AGBL1: variants seen among roughly 807,000 people sequenced by gnomAD.
AGBL1 encodes AGBL carboxypeptidase 1, also known as cytosolic carboxypeptidase 4.
In AGBL1, 130 loss-of-function variants were observed where a neutral mutation model predicts 118.9. The observed-to-expected ratio is 1.09, with a 90% CI of 0.95 to 1.26. The LOEUF (loss-of-function observed/expected upper bound fraction) is 1.26, where lower values mean the gene tolerates loss of function less well. Ranked by LOEUF, AGBL1 falls within the 50% of genes most tolerant of loss-of-function variation. The probability of loss-of-function intolerance (pLI) is 0.00; values close to 1 mark genes in which losing one functional copy is unlikely to be tolerated. For synonymous variants in AGBL1, 555 were observed against 478.9 expected, an observed-to-expected ratio of 1.16 and a Z score of -2.08; for missense variants, 1,584 against 1,298.1, an observed-to-expected ratio of 1.22 and a Z score of -3.38.
chr15:86,654,344 T>C (rs982932927), intron 21 of AGBL1, among the ~76,000 whole-genome samples: 1 of 152,150 alleles, frequency 6.6e-6, no homozygotes, highest in Admixed American at 6.6e-5. Context: ...TTATTTTGAG[T>C]GTAGAAGCTT....
chr15:86,780,438 T>A lies in AGBL1; in HGVS notation c.3158+106002T>A, dbSNP rs1036922196. 3.3e-5 allele frequency among the ~76,000 whole-genome samples: 5 copies of A among 152,312 alleles called. No homozygotes were observed. The South Asian group carries it at 6.2e-4, about 19-fold the overall frequency. On this transcript the variant is annotated intron_variant, in intron 22 of 22. Coordinates refer to ENST00000614907, the MANE Select transcript of AGBL1 (RefSeq NM_001386094.1). ...ATGTTTATTGTTCTTTGATATTACTTTGCCTTTTCTTGGCCATTTGCATTT... is the reference window on the plus strand; with the variant it reads ...ATGTTTATTGTTCTTTGATATTACTATGCCTTTTCTTGGCCATTTGCATTT...
At chr15:86,789,253 A>G (rs1370066967) in intron 22 of AGBL1, among the ~76,000 whole-genome samples, 2 of 152,244 alleles carry the variant, frequency 1.3e-5, no homozygotes, top group African/African-American at 4.8e-5. Context: ...TTGTTAGGCA[A>G]GGAATATCAC....
intron 22 of AGBL1, among the ~76,000 whole-genome samples, chr15:86,778,648 G>T (rs1250556921): frequency 6.6e-6 from 1 of 152,090 alleles, no homozygotes; most frequent in Non-Finnish European, 1.5e-5. Context: ...TATCTCTCTT[G>T]CTCCCTGAAC....
intron 1 of AGBL1, among the ~76,000 whole-genome samples, chr15:86,125,725 T>C (rs1160090302): frequency 6.6e-6 from 1 of 152,242 alleles, no homozygotes; most frequent in Non-Finnish European, 1.5e-5. Flanking sequence ...GTCCCAGCCA[T>C]GTGTCCCAGA....
intron 22 of AGBL1, among the ~76,000 whole-genome samples, chr15:86,783,845 G>T (rs1273241250): frequency 1.6e-5 from 2 of 127,960 alleles, no homozygotes; most frequent in Admixed American, 1.5e-4. Context: ...CAGCCAGGCT[G>T]GTCTCGAATT....
intron 23 of AGBL1, among the ~76,000 whole-genome samples, chr15:86,925,143 AGAGGAGGAGGAGGAGGAGGAGGAG>A (rs1176964792): frequency 1.5e-4 from 12 of 80,582 alleles, no homozygotes; most frequent in African/African-American, 3.8e-4. Context: ...AGGAAGAGGA[AGAGGAGGAGGAGGAGGAGGAGGAG>A]GAAGAGGAAG....
intron 21 of AGBL1, among the ~76,000 whole-genome samples, chr15:86,592,368 A>T (rs1596296482): frequency 6.6e-6 from 1 of 152,224 alleles, no homozygotes; most frequent in East Asian, 1.9e-4. Flanking sequence ...AGCAGGAGTG[A>T]AAGTTTATTT....
At chr15:86,903,271 T>A (rs184565269) in intron 22 of AGBL1, among the ~76,000 whole-genome samples, 1 of 152,224 alleles carries the variant, frequency 6.6e-6, no homozygotes, top group East Asian at 1.9e-4. Flanking sequence ...ATAGCTTCCA[T>A]TTCTTTGCTG....
rs1182645305 is a variant in AGBL1 at position 86,974,643 on chromosome 15, C to T, written c.3222-13344C>T. ...TATATTTATATATTTAACTTTTCTG[C>T]AAAAAAAGATGAGAAGAAAGATCAA... is the stretch of plus-strand genomic sequence containing the variant. On this transcript the variant is annotated intron_variant, in intron 23 of 24. Coordinates refer to the AGBL1 transcript ENST00000441037. 2.1e-5 allele frequency among the ~76,000 whole-genome samples: 3 copies of T among 140,946 alleles called. No individual in the cohort carries two copies. In the Admixed American group the frequency reaches 2.2e-4, roughly 10 times the overall value. 92.5% of individuals were successfully genotyped at this position (140,946 alleles called of 152,430 possible).
At chr15:86,939,229 A>T (rs1016676050) in intron 23 of AGBL1, 2 of 152,424 alleles carry the variant, frequency 1.3e-5, no homozygotes, top group African/African-American at 4.8e-5. Flanking sequence ...CCCACTCTCA[A>T]TCTGGATGGG....
chr15:86,681,714 G>C (rs753209812), intron 22 of AGBL1, among the ~76,000 whole-genome samples: 3 of 152,188 alleles, frequency 2.0e-5, no homozygotes, highest in African/African-American at 4.8e-5. Flanking sequence ...GCTGGATGTA[G>C]AGAGGTCCTC....
At chr15:86,151,330 A>C (rs888411951) in intron 3 of AGBL1, among the ~76,000 whole-genome samples, 1 of 151,194 alleles carries the variant, frequency 6.6e-6, no homozygotes, top group African/African-American at 2.4e-5. Flanking sequence ...CTTATCCACC[A>C]CAATCAAGTC....
intron 23 of AGBL1, among the ~76,000 whole-genome samples, chr15:86,935,475 C>G (rs1475831287): frequency 6.6e-6 from 1 of 152,186 alleles, no homozygotes; most frequent in Non-Finnish European, 1.5e-5. Flanking sequence ...TGACATTTCC[C>G]CATGCCACCA....
intron 17 of AGBL1, among the ~76,000 whole-genome samples, chr15:86,394,521 G>T (rs1222389644): frequency 6.6e-6 from 1 of 152,052 alleles, no homozygotes; most frequent in Admixed American, 6.6e-5. Flanking sequence ...GTTTAACAGG[G>T]TGTAGCAAAA....
chr15:86,988,097 G>C, intron 24 of AGBL1: 1 of 1,612,960 alleles, frequency 6.2e-7, no homozygotes, highest in Non-Finnish European at 8.5e-7. Flanking sequence ...CCGTGAGTAT[G>C]TCAGTTTCCT....
chr15:86,840,011 G>A (rs538383449), intron 22 of AGBL1, among the ~76,000 whole-genome samples: 1 of 152,302 alleles, frequency 6.6e-6, no homozygotes, highest in South Asian at 2.1e-4. Flanking sequence ...TAGTATCTCA[G>A]TAAATAATTT....
chr15:86,239,470 C>G (rs919413525), intron 6 of AGBL1, among the ~76,000 whole-genome samples: 4 of 152,156 alleles, frequency 2.6e-5, no homozygotes, highest in African/African-American at 9.7e-5. Flanking sequence ...ACCAGCCACT[C>G]CTGCAGCTGC....
chr15:86,625,609 C>A (rs2084875550), intron 21 of AGBL1, among the ~76,000 whole-genome samples: 1 of 151,688 alleles, frequency 6.6e-6, no homozygotes, highest in African/African-American at 2.4e-5. Context: ...TTGAATAAGT[C>A]TCATAAAAAG....
chr15:86,886,792 G>A (rs758349042), intron 22 of AGBL1, among the ~76,000 whole-genome samples: 1 of 152,112 alleles, frequency 6.6e-6, no homozygotes, highest in Non-Finnish European at 1.5e-5. Flanking sequence ...GAACAGCAAG[G>A]CCCCAACCGT....
Sources: gnomAD v4.1 joint callset for allele counts (sites outside exome capture counted in the v4.1 genomes callset) on GRCh38, gnomAD v4.1.1 for gene constraint, MANE v1.5 for transcripts, NCBI Gene and HGNC (gene_info 2026-07-23, HGNC 2026-07-21) for gene names.